The following VPS50 variants were observed in gnomAD, a reference collection of about 807,000 sequenced individuals.
The protein encoded by VPS50 is VPS50 subunit of EARP/GARPII complex.
A neutral mutation model predicts 139.7 loss-of-function variants in VPS50; 70 were observed. The ratio of observed to expected loss-of-function variants is 0.50; its 90% confidence interval spans 0.41 to 0.61. The LOEUF (loss-of-function observed/expected upper bound fraction) is 0.61. Ranked by LOEUF, VPS50 falls within the 20% of genes least tolerant of loss-of-function variation. The probability of loss-of-function intolerance (pLI) is 0.00; values close to 1 mark genes in which losing one functional copy is unlikely to be tolerated. For synonymous variants in VPS50, 365 were observed against 376.7 expected (o/e 0.97, Z 0.36); for missense variants, 921 against 1,133.7 (o/e 0.81, Z 2.69).
intron 11 of VPS50, chr7:93,273,212 T>G (rs1796061523): frequency 6.6e-6 from 1 of 152,082 alleles, no homozygotes; most frequent in African/African-American, 2.4e-5. Context: ...GGTCCTTTTA[T>G]CCCCAAAATG....
chr7:93,345,860 C>T (rs2117073412), intron 23 of VPS50, among the ~76,000 whole-genome samples: 1 of 152,272 alleles, frequency 6.6e-6, no homozygotes, highest in East Asian at 1.9e-4. Flanking sequence ...GACAAACCCA[C>T]AGCCAATATC....
rs931751923 is a variant in VPS50 at position 93,307,452 on chromosome 7, G to A, written c.1630-1372G>A. ...GTCAAGAAAAGGAAACTTGTTTATA[G>A]TATGAGAGCCTAAGCAAGAAGGCAG... On this transcript the variant is annotated intron_variant, in intron 18 of 27. Coordinates refer to ENST00000305866, the MANE Select transcript of VPS50 (RefSeq NM_017667.4). Among the ~76,000 whole-genome samples the A allele has an allele frequency of 1.1e-4, 17 of 151,908 alleles. 1 individual carries two copies.
Position 93,261,103 on chromosome 7 carries a change from G to A in VPS50, c.659+1471G>A, listed in dbSNP as rs187146376. Among the ~76,000 whole-genome samples, 61 of 152,318 alleles carry A rather than the reference G, an allele frequency of 4.0e-4. 1 individual carries two copies. Among genetic ancestry groups the A allele is most frequent in the Middle Eastern group, 6.8e-3 (2 of 294 alleles). On this transcript the variant is annotated intron_variant, in intron 9 of 27. Transcript: ENST00000305866. ...GAGAATTAGTTTTAGTGTGTTGAAT[G>A]TATTTAGAGATTTCCAACAAGCCAT...
At chr7:93,328,172 C>A (rs1797835814) in intron 21 of VPS50, among the ~76,000 whole-genome samples, 1 of 152,124 alleles carries the variant, frequency 6.6e-6, no homozygotes, top group Admixed American at 6.6e-5. Flanking sequence ...CTTGCCTTGT[C>A]CCCAGCTTTC....
At chr7:93,308,733 T>A in intron 18 of VPS50, 91 bp from the exon 19 acceptor site, 1 of 553,856 alleles carries the variant, frequency 1.8e-6, no homozygotes, top group East Asian at 2.9e-5. Flanking sequence ...TTTAGCTGTT[T>A]CTTATAAAAC....
intron 2 of VPS50, among the ~76,000 whole-genome samples, chr7:93,249,304 CAG>C (rs994697486): frequency 3.0e-4 from 45 of 148,726 alleles, no homozygotes; most frequent in African/African-American, 5.4e-4. Flanking sequence ...GAGAGAGACA[CAG>C]AGAGAGAGAG....
chr7:93,345,710 G>A (rs1482291320), intron 23 of VPS50, among the ~76,000 whole-genome samples: 1 of 152,178 alleles, frequency 6.6e-6, no homozygotes, highest in Non-Finnish European at 1.5e-5. Flanking sequence ...CATATAAACA[G>A]AAGCAAAGAC....
chr7:93,353,755 T>C lies in VPS50; in HGVS notation c.2579T>C (p.Val860Ala), dbSNP rs754172300. 3.7e-6 allele frequency: 6 copies of C among 1,602,290 alleles called. No individual in the cohort carries two copies. The highest frequency in any genetic ancestry group is 5.1e-6 in the Non-Finnish European group (6 of 1,174,964). Residue 860 changes from valine (V) to alanine (A), a missense_variant, in exon 26 of 28, where the codon GTA becomes GCA. Coordinates refer to ENST00000305866, the MANE Select transcript of VPS50 (RefSeq NM_017667.4). ...HCIRLANRTI[V>A]EGYANVKKCS... Reference sequence around the variant, plus strand: ...ATACGATTGGCTAATCGAACTATTGTAGAAGGGTAAGTTTTTCATGAAAGC... The same window carrying C: ...ATACGATTGGCTAATCGAACTATTGCAGAAGGGTAAGTTTTTCATGAAAGC...
chr7:93,312,120 T>G (rs924867390), intron 20 of VPS50, among the ~76,000 whole-genome samples: 1 of 152,176 alleles, frequency 6.6e-6, no homozygotes, highest in Non-Finnish European at 1.5e-5. Flanking sequence ...CAGAATGCTT[T>G]TTAGGAGTCA....
At chr7:93,263,648 C>T (rs1480317311) in intron 9 of VPS50, among the ~76,000 whole-genome samples, 3 of 152,156 alleles carry the variant, frequency 2.0e-5, no homozygotes, top group African/African-American at 7.2e-5. Flanking sequence ...TTAGGACTGA[C>T]TCTTATGATT....
At chr7:93,233,825 T>A (rs1794713328) in intron 1 of VPS50, among the ~76,000 whole-genome samples, 1 of 152,188 alleles carries the variant, frequency 6.6e-6, no homozygotes, top group African/African-American at 2.4e-5. Context: ...ATAGGAATAA[T>A]GTGTGCCTTA....
intron 12 of VPS50, among the ~76,000 whole-genome samples, chr7:93,289,924 A>G (rs1240977776): frequency 6.6e-6 from 1 of 152,086 alleles, no homozygotes; most frequent in African/African-American, 2.4e-5. Flanking sequence ...CTAACCAAGA[A>G]TAAGGGATTT....
rs553159734 is a variant in VPS50, at chr7:93,278,768, G to A, written c.942+2463G>A. On this transcript the variant is annotated intron_variant, in intron 12 of 27. Transcript: ENST00000305866. ...CTTTATTATAAAATTATCCATATACGTGTGATAGTAGGTGATATATATATA... is the reference window on the plus strand; with the variant it reads ...CTTTATTATAAAATTATCCATATACATGTGATAGTAGGTGATATATATATA... 1.2e-4 allele frequency among the ~76,000 whole-genome samples: 17 copies of A among 147,102 alleles called. No homozygotes were observed. In the South Asian group the frequency reaches 1.5e-3, roughly 13 times the overall value.
chr7:93,258,642 G>T (rs1376715431), intron 8 of VPS50, among the ~76,000 whole-genome samples: 1 of 151,968 alleles, frequency 6.6e-6, no homozygotes, highest in Non-Finnish European at 1.5e-5. Flanking sequence ...ATGTTAACTT[G>T]TTTGTATTGC....
At chr7:93,276,666 T>C (rs536914822) in intron 12 of VPS50, among the ~76,000 whole-genome samples, 3 of 152,206 alleles carry the variant, frequency 2.0e-5, no homozygotes, top group African/African-American at 7.2e-5. Flanking sequence ...AGTTTTTTCA[T>C]GTGTATGAAT....
At chr7:93,265,459 T>G (rs1341663921) in intron 9 of VPS50, among the ~76,000 whole-genome samples, 1 of 152,250 alleles carries the variant, frequency 6.6e-6, no homozygotes, top group Non-Finnish European at 1.5e-5. Context: ...ATTTGGCCTG[T>G]GGGTTCCGAT....
At chr7:93,282,659 A>G (rs528400253) in intron 12 of VPS50, among the ~76,000 whole-genome samples, 4 of 152,214 alleles carry the variant, frequency 2.6e-5, no homozygotes, top group Non-Finnish European at 4.4e-5. Flanking sequence ...GTTGCATATC[A>G]ATCAGTCATG....
chr7:93,347,841 G>T (rs1411988587), intron 23 of VPS50, among the ~76,000 whole-genome samples: 13 of 109,236 alleles, frequency 1.2e-4, no homozygotes, highest in Non-Finnish European at 1.8e-4. Flanking sequence ...TGGGGGGAGG[G>T]GGGAGGGATA....
At chr7:93,255,646 C>T (rs1451504430) in intron 4 of VPS50, among the ~76,000 whole-genome samples, 2 of 152,138 alleles carry the variant, frequency 1.3e-5, no homozygotes, top group East Asian at 1.9e-4. Flanking sequence ...TTTTCTTAAC[C>T]TTAATGGAAT....
Sources: allele counts gnomAD v4.1 joint callset (sites outside exome capture counted in the v4.1 genomes callset), GRCh38; gene constraint gnomAD v4.1.1; transcripts MANE v1.5; gene names NCBI Gene and HGNC (gene_info 2026-07-23, HGNC 2026-07-21).